The following DAB1 variants were observed in gnomAD, a reference collection of about 807,000 sequenced individuals.
DAB1 encodes the protein DAB adaptor protein 1, also known as disabled homolog 1.
Under a neutral mutation model 64.6 loss-of-function variants are expected in DAB1, and 15 were observed. The observed-to-expected ratio is 0.23, with a 90% CI of 0.16 to 0.36. The LOEUF is 0.36. Among genes scored for constraint, DAB1 ranks in the 10% least tolerant of loss-of-function variants. DAB1 has a pLI of 1.00. For missense variants in DAB1, 596 were observed against 706.7 expected (o/e 0.84, Z 1.78); for synonymous variants, 235 against 251.9 (o/e 0.93, Z 0.64).
At chr1:57,072,510 C>T in intron 4 of DAB1, 96 bp from the exon 5 acceptor site, 9 of 1,384,312 alleles carry the variant, frequency 6.5e-6, no homozygotes, top group Non-Finnish European at 8.9e-6. Flanking sequence ...GTGAACAGGC[C>T]CGAAGGGCTT....
At chr1:58,450,570 C>T (rs534310528) in intron 3 of DAB1, among the ~76,000 whole-genome samples, 2 of 152,078 alleles carry the variant, frequency 1.3e-5, no homozygotes, top group Non-Finnish European at 2.9e-5. Flanking sequence ...CTGGCTAACA[C>T]AGTGAAACCC....
intron 4 of DAB1, among the ~76,000 whole-genome samples, chr1:58,200,559 C>A (rs1385529284): frequency 1.3e-5 from 2 of 152,184 alleles, no homozygotes; most frequent in African/African-American, 4.8e-5. Flanking sequence ...AAGGAGACAA[C>A]AAGGCAGAAT....
chr1:58,226,630 A>C (rs1251570790), intron 4 of DAB1, among the ~76,000 whole-genome samples: 2 of 152,342 alleles, frequency 1.3e-5, no homozygotes, highest in East Asian at 3.9e-4. Context: ...CCACCTCCTC[A>C]AAAGTAGCTG....
intron 1 of DAB1, among the ~76,000 whole-genome samples, chr1:57,395,333 G>A (rs1682718963): frequency 6.6e-6 from 1 of 152,100 alleles, no homozygotes. Flanking sequence ...GCCCTAATGT[G>A]TATGCTAAAT....
intron 1 of DAB1, among the ~76,000 whole-genome samples, chr1:57,418,058 A>G (rs528984623): frequency 3.9e-5 from 6 of 152,274 alleles, no homozygotes; most frequent in African/African-American, 1.2e-4. Context: ...ACAGTTATTT[A>G]TGCATGAAAC....
intron 6 of DAB1, among the ~76,000 whole-genome samples, chr1:57,673,284 C>T (rs529598347): frequency 6.6e-6 from 1 of 152,192 alleles, no homozygotes; most frequent in East Asian, 1.9e-4. Context: ...CCTCCAACTA[C>T]CATCACATTG....
upstream of DAB1, among the ~76,000 whole-genome samples, chr1:57,428,901 G>T (rs55930348): frequency 0.24 from 31,987 of 133,334 alleles, 3,722 homozygotes; most frequent in East Asian, 0.4. Flanking sequence ...GATTTTTTTT[G>T]TTGTTGTTGT....
chr1:57,753,909 C>T (rs1648671376), intron 6 of DAB1, among the ~76,000 whole-genome samples: 1 of 152,154 alleles, frequency 6.6e-6, no homozygotes, highest in African/African-American at 2.4e-5. Flanking sequence ...AGTACAACCA[C>T]AAGTTAGAAT....
chr1:57,863,543 T>C (rs898376504), intron 1 of DAB1, among the ~76,000 whole-genome samples: 5 of 152,126 alleles, frequency 3.3e-5, no homozygotes, highest in African/African-American at 1.2e-4. Flanking sequence ...TCTGTAGGCT[T>C]TGACAACTTG....
At chr1:57,656,276 G>A (rs922166130) in intron 6 of DAB1, among the ~76,000 whole-genome samples, 1 of 152,124 alleles carries the variant, frequency 6.6e-6, no homozygotes, top group Non-Finnish European at 1.5e-5. Context: ...TGCCTGAACT[G>A]CCTAAGACAC....
At chr1:57,579,913 C>T (rs1026085298) in intron 7 of DAB1, among the ~76,000 whole-genome samples, 1 of 152,184 alleles carries the variant, frequency 6.6e-6, no homozygotes, top group Non-Finnish European at 1.5e-5. Flanking sequence ...GAAAACATAG[C>T]CTACCATGCA....
intron 5 of DAB1, chr1:58,060,030 G>A (rs148843191): frequency 3.9e-5 from 6 of 152,534 alleles, no homozygotes; most frequent in African/African-American, 1.4e-4. Context: ...GTGCAGGGGA[G>A]GGCACACCAA....
At position 58,530,940 on chromosome 1, in the gene DAB1, C is replaced by G. The variant is rs1646425696; in HGVS notation, n.33-3605G>C. Among the ~76,000 whole-genome samples, 4 of 152,158 alleles carry G rather than the reference C, an allele frequency of 2.6e-5. No homozygotes were observed. The South Asian group carries it at 8.3e-4, about 32-fold the overall frequency. ...ACCTATTCATTCATTTAACTAGTATCTACTAAGCCACTTACTATTAGTCAG... is the reference window on the plus strand; with the variant it reads ...ACCTATTCATTCATTTAACTAGTATGTACTAAGCCACTTACTATTAGTCAG... On this transcript the variant is annotated intron_variant and non_coding_transcript_variant, in intron 1 of 20. Coordinates refer to the DAB1 transcript ENST00000485760.
rs1399114664 is a variant in DAB1, at chr1:57,380,185, A to G, written c.-137+43745T>C. Among the ~76,000 whole-genome samples, 8 of 152,180 alleles carry G rather than the reference A, an allele frequency of 5.3e-5. No homozygotes were observed. The East Asian group carries it at 1.5e-3, about 29-fold the overall frequency. ...AAGTAGGTCATATTATTTTCATTCT[A>G]TAGAAATGAAAATAGAGACATAGAG... On this transcript the variant is annotated intron_variant, in intron 1 of 14. Transcript: ENST00000371236.
At chr1:57,203,093 T>C (rs138557187) in intron 2 of DAB1, among the ~76,000 whole-genome samples, 218 of 152,272 alleles carry the variant, frequency 1.4e-3, no homozygotes, top group African/African-American at 4.3e-3. Context: ...GCACAGATGA[T>C]TGAGTAACAG....
chr1:58,235,901 C>T (rs181063856), intron 4 of DAB1, among the ~76,000 whole-genome samples: 7 of 152,314 alleles, frequency 4.6e-5, no homozygotes, highest in East Asian at 3.9e-4. Context: ...TTTTTGGAGG[C>T]CATAAGATCA....
intron 6 of DAB1, among the ~76,000 whole-genome samples, chr1:57,804,105 T>C (rs540974237): frequency 2.6e-5 from 4 of 152,292 alleles, no homozygotes; most frequent in African/African-American, 7.2e-5. Context: ...TTTGAGGTCA[T>C]AGAACATAAC....
At chr1:57,412,680 A>G (rs772145685) in intron 1 of DAB1, among the ~76,000 whole-genome samples, 1 of 152,224 alleles carries the variant, frequency 6.6e-6, no homozygotes, top group Admixed American at 6.5e-5. Context: ...ACTCTATTCA[A>G]TTCTATGAAG....
intron 1 of DAB1, among the ~76,000 whole-genome samples, chr1:57,855,728 A>G (rs1653722522): frequency 6.6e-6 from 1 of 152,198 alleles, no homozygotes; most frequent in Non-Finnish European, 1.5e-5. Context: ...AAGCCAGACC[A>G]TGATAGTCTT....
Sources: gnomAD v4.1 joint callset for allele counts (sites outside exome capture counted in the v4.1 genomes callset) on GRCh38, gnomAD v4.1.1 for gene constraint, MANE v1.5 for transcripts, NCBI Gene and HGNC (gene_info 2026-07-23, HGNC 2026-07-21) for gene names.